Variants in NUDT3 observed in about 807,000 individuals in gnomAD.
NUDT3 encodes the protein diphosphoinositol polyphosphate phosphohydrolase 1.
In NUDT3, 9 loss-of-function variants were observed where a neutral mutation model predicts 23.6. The observed-to-expected ratio is 0.38, with a 90% CI of 0.23 to 0.66. The LOEUF is 0.66. NUDT3 is among the 30% of genes least tolerant of loss of function. The pLI is 0.52. For missense variants in NUDT3, 172 were observed against 218.5 expected (o/e 0.79, Z 1.34); for synonymous variants, 86 against 82.6 (o/e 1.04, Z -0.22).
At chr6:34,363,402 G>A (rs1256533153) in intron 1 of NUDT3, among the ~76,000 whole-genome samples, 5 of 152,132 alleles carry the variant, frequency 3.3e-5, no homozygotes, top group African/African-American at 1.2e-4. Flanking sequence ...ATAACCAAAG[G>A]TAAATAAAGG....
At chr6:34,338,711 A>G (rs1433246063) in intron 2 of NUDT3, among the ~76,000 whole-genome samples, 1 of 152,224 alleles carries the variant, frequency 6.6e-6, no homozygotes, top group African/African-American at 2.4e-5. Context: ...TAGATCAGAC[A>G]GCTCTCTCAC....
chr6:34,314,049 A>G (rs546441137), intron 2 of NUDT3, among the ~76,000 whole-genome samples: 1 of 151,824 alleles, frequency 6.6e-6, no homozygotes, highest in South Asian at 2.1e-4. Flanking sequence ...GTGAGCCAAG[A>G]TTGCACCATT....
At chr6:34,367,559 G>A (rs969982289) in intron 1 of NUDT3, among the ~76,000 whole-genome samples, 1 of 151,120 alleles carries the variant, frequency 6.6e-6, no homozygotes, top group Admixed American at 6.6e-5. Flanking sequence ...TGTCATGTAA[G>A]TAAATAAAAG....
chr6:34,337,751 T>C (rs1247972216), intron 2 of NUDT3, among the ~76,000 whole-genome samples: 1 of 152,192 alleles, frequency 6.6e-6, no homozygotes, highest in Non-Finnish European at 1.5e-5. Context: ...TCTACAAAAG[T>C]AGAACTGCCA....
intron 2 of NUDT3, among the ~76,000 whole-genome samples, chr6:34,321,173 C>T (rs1477548175): frequency 4.6e-5 from 7 of 151,994 alleles, no homozygotes; most frequent in Non-Finnish European, 1.0e-4. Context: ...CACGGTGGCT[C>T]ACGCATGTGA....
intron 2 of NUDT3, among the ~76,000 whole-genome samples, chr6:34,298,146 G>C (rs1357579403): frequency 6.6e-6 from 1 of 152,018 alleles, no homozygotes; most frequent in Non-Finnish European, 1.5e-5. Context: ...TGGACTGCTT[G>C]AGCCCAAGAG....
rs1292691740 is a variant in NUDT3, at chr6:34,281,521, TTTGA to T, written c.*7228_*7231del. On this transcript the variant is annotated 3_prime_UTR_variant, in exon 5 of 5. Transcript: ENST00000607016. Reference sequence around the variant, plus strand: ...ACTTATTCTAACCACCAACCTTTTCTTTGATTATCAACCAGTTTGACAGTCTTCA... The same window carrying T: ...ACTTATTCTAACCACCAACCTTTTCTTTATCAACCAGTTTGACAGTCTTCA... 6.6e-6 allele frequency: 1 copy of T among 152,176 alleles called. No individual in the cohort carries two copies. Among genetic ancestry groups the T allele is most frequent in the Non-Finnish European group, 1.5e-5 (1 of 68,032 alleles). The allele number at this position is 152,176 out of a possible 1,614,324, so 9.4% of individuals were successfully genotyped here.
intron 1 of NUDT3, among the ~76,000 whole-genome samples, chr6:34,347,454 T>TA (rs148663722): frequency 0.088 from 13,388 of 152,220 alleles, 1,312 homozygotes; most frequent in East Asian, 0.43. Flanking sequence ...CATCCATAGA[T>TA]AGACTCTTGG....
chr6:34,365,821 C>A (rs999422514), intron 1 of NUDT3, among the ~76,000 whole-genome samples: 1 of 152,128 alleles, frequency 6.6e-6, no homozygotes, highest in Non-Finnish European at 1.5e-5. Flanking sequence ...GCAGGTGGAT[C>A]ACATGAGGTC....
chr6:34,328,051 AT>A (rs1429366096), intron 2 of NUDT3, among the ~76,000 whole-genome samples: 1 of 152,246 alleles, frequency 6.6e-6, no homozygotes, highest in Non-Finnish European at 1.5e-5. Flanking sequence ...AATGTCCATG[AT>A]CATCTCTATA....
rs767627307 is a variant in NUDT3, at chr6:34,288,820, T to C, written c.452A>G (p.Asn151Ser). Residue 151 changes from asparagine (N) to serine (S), a missense_variant, in exon 5 of 5, where the codon AAT (asparagine) becomes AGT (serine). Coordinates refer to ENST00000607016, the MANE Select transcript of NUDT3 (RefSeq NM_006703.4). ...TGTGGTGGCCACGACTGGGGTGCCATTGTTGGCTGAGTAGCCTTGCCTCAA... is the reference window on the plus strand; with the variant it reads ...TGTGGTGGCCACGACTGGGGTGCCACTGTTGGCTGAGTAGCCTTGCCTCAA... ...ETLRQGYSANNGTPVVATTYS... is the reference protein window; with the variant it reads ...ETLRQGYSANSGTPVVATTYS... 6 of 1,613,994 alleles carry C rather than the reference T, an allele frequency of 3.7e-6. No homozygotes were observed. In the Admixed American group the frequency reaches 5.0e-5, roughly 13 times the overall value.
At chr6:34,293,901 C>T (rs1763460889) in intron 3 of NUDT3, among the ~76,000 whole-genome samples, 1 of 152,160 alleles carries the variant, frequency 6.6e-6, no homozygotes, top group Non-Finnish European at 1.5e-5. Flanking sequence ...ACTTCAGTGA[C>T]CCCAGCAAGG....
rs1448026745 is a variant in NUDT3, at chr6:34,321,010, T to C, written c.210+20852A>G. ...GAGGCGTCTCTAGGTGGCAAAAGGA[T>C]AGGGCACGGTTTCTAGCAGGAGGGA... On this transcript the variant is annotated intron_variant, in intron 2 of 4. Coordinates refer to ENST00000607016, the MANE Select transcript of NUDT3 (RefSeq NM_006703.4). 5.9e-5 allele frequency among the ~76,000 whole-genome samples: 9 copies of C among 152,110 alleles called. No individual in the cohort carries two copies. In the East Asian group the frequency reaches 1.7e-3, roughly 29 times the overall value.
chr6:34,283,940 A>C lies in NUDT3; in HGVS notation c.*4813T>G, dbSNP rs115572544. 4.7e-3 allele frequency: 713 copies of C among 152,356 alleles called. 12 individuals carry two copies. The highest frequency in any genetic ancestry group is 0.016 in the African/African-American group (661 of 41,584). The allele number at this position is 152,356 out of a possible 1,614,324, so 9.4% of individuals were successfully genotyped here. A position where few individuals can be genotyped will look rare whatever the true frequency, so the allele number is the denominator to read the frequency against. Reference sequence around the variant, plus strand: ...TGAAGTCTCCGCTGCAAAACTCACGAAACAGCACAGAGGATGACTCTAGGG... The same window carrying C: ...TGAAGTCTCCGCTGCAAAACTCACGCAACAGCACAGAGGATGACTCTAGGG... On this transcript the variant is annotated 3_prime_UTR_variant, in exon 5 of 5. Coordinates refer to ENST00000607016, the MANE Select transcript of NUDT3 (RefSeq NM_006703.4).
chr6:34,349,721 T>C (rs981448915), intron 1 of NUDT3, among the ~76,000 whole-genome samples: 6 of 150,536 alleles, frequency 4.0e-5, no homozygotes, highest in African/African-American at 1.5e-4. Context: ...CCATTCCTAC[T>C]GCCAAGGGTA....
At chr6:34,353,685 T>G (rs1448654474) in intron 1 of NUDT3, among the ~76,000 whole-genome samples, 1 of 151,918 alleles carries the variant, frequency 6.6e-6, no homozygotes, top group Non-Finnish European at 1.5e-5. Context: ...ATTACAGGCA[T>G]GAGCCACACC....
At position 34,297,743 on chromosome 6, in the gene NUDT3, ATATATATATATATATAATTT is replaced by A. The variant is rs1452444659; in HGVS notation, c.211-2078_211-2059del. 2.9e-5 allele frequency among the ~76,000 whole-genome samples: 3 copies of A among 102,710 alleles called. No individual in the cohort carries two copies. The East Asian group carries it at 9.5e-4, about 32-fold the overall frequency. 67.4% of individuals were successfully genotyped at this position (102,710 alleles called of 152,430 possible). On this transcript the variant is annotated intron_variant, in intron 2 of 4. Coordinates refer to ENST00000607016, the MANE Select transcript of NUDT3 (RefSeq NM_006703.4). ...TAAAAAAAAAAAAATATATATATAT[ATATATATATATATATAATTT>A]TTTTTTTTTTTTTAGTAGAGACGGG...
intron 2 of NUDT3, among the ~76,000 whole-genome samples, chr6:34,299,025 T>C (rs1473815072): frequency 6.6e-6 from 1 of 152,224 alleles, no homozygotes; most frequent in Non-Finnish European, 1.5e-5. Flanking sequence ...TTAACTATCT[T>C]ACTTTTTCAC....
Position 34,285,080 on chromosome 6 carries a change from A to C in NUDT3, c.*3673T>G, listed in dbSNP as rs1234195959. The C allele has an allele frequency of 6.6e-6, 1 of 152,198 alleles. No individual in the cohort carries two copies. Among genetic ancestry groups the C allele is most frequent in the Non-Finnish European group, 1.5e-5 (1 of 68,080 alleles). 9.4% of individuals were successfully genotyped at this position (152,198 alleles called of 1,614,324 possible). A position where few individuals can be genotyped will look rare whatever the true frequency, so the allele number is the denominator to read the frequency against. The stretch of plus-strand genomic sequence containing the variant: ...CAGCCTGAGAGGGGGTGATACTCCC[A>C]CACCCTTTGATCCTTCCAGATGGCT... On this transcript the variant is annotated 3_prime_UTR_variant, in exon 5 of 5. Coordinates refer to ENST00000607016, the MANE Select transcript of NUDT3 (RefSeq NM_006703.4).
Sources: gnomAD v4.1 joint callset for allele counts (sites outside exome capture counted in the v4.1 genomes callset) on GRCh38, gnomAD v4.1.1 for gene constraint, MANE v1.5 for transcripts, NCBI Gene and HGNC (gene_info 2026-07-23, HGNC 2026-07-21) for gene names.